The following CAPN8 variants were observed in gnomAD, a reference collection of about 807,000 sequenced individuals.
CAPN8 encodes the protein calpain 8, also known as calpain-8.
Under a neutral mutation model 80.9 loss-of-function variants are expected in CAPN8, and 87 were observed. The ratio of observed to expected loss-of-function variants is 1.07; its 90% confidence interval spans 0.90 to 1.28. CAPN8 has a LOEUF of 1.28. CAPN8 is among the 50% of genes most tolerant of loss of function. The pLI, the probability that CAPN8 is intolerant of heterozygous loss-of-function variation, is 0.00. For missense variants in CAPN8, 757 were observed against 702.0 expected (o/e 1.08, Z -0.89); for synonymous variants, 299 against 273.8 (o/e 1.09, Z -0.91).
chr1:223,652,970 A>G (rs1658381178), intron 2 of CAPN8, among the ~76,000 whole-genome samples: 1 of 151,996 alleles, frequency 6.6e-6, no homozygotes, highest in Admixed American at 6.6e-5. Context: ...ATTCAAAGAA[A>G]AATCCATCCA....
intron 2 of CAPN8, among the ~76,000 whole-genome samples, chr1:223,637,439 G>A (rs1461923921): frequency 6.6e-6 from 1 of 152,118 alleles, no homozygotes; most frequent in Non-Finnish European, 1.5e-5. Flanking sequence ...CTGCTCCCCT[G>A]ATTCCCATCA....
intron 2 of CAPN8, chr1:223,644,228 A>C (rs1192718420): frequency 5.5e-6 from 2 of 366,332 alleles, no homozygotes; most frequent in African/African-American, 4.3e-5. Context: ...AGGTTCATAT[A>C]CTCATCAAAA....
At chr1:223,631,193 A>G (rs1359017346) in intron 2 of CAPN8, among the ~76,000 whole-genome samples, 1 of 152,028 alleles carries the variant, frequency 6.6e-6, no homozygotes, top group African/African-American at 2.4e-5. Context: ...TTCTTGATGA[A>G]TCTTACCCCT....
intron 16 of CAPN8, among the ~76,000 whole-genome samples, chr1:223,547,125 T>A (rs1656644779): frequency 6.6e-6 from 1 of 152,198 alleles, no homozygotes; most frequent in Non-Finnish European, 1.5e-5. Context: ...TGTTCCAGAC[T>A]GGTCTCGAAC....
At chr1:223,557,409 C>T (rs1354086587) in intron 13 of CAPN8, among the ~76,000 whole-genome samples, 1 of 131,762 alleles carries the variant, frequency 7.6e-6, no homozygotes, top group Non-Finnish European at 1.7e-5. Context: ...AGAAGCTGGG[C>T]CTGTGCCCCC....
At chr1:223,658,677 G>A (rs1025162895) in intron 1 of CAPN8, among the ~76,000 whole-genome samples, 7 of 152,106 alleles carry the variant, frequency 4.6e-5, no homozygotes, top group African/African-American at 1.7e-4. Flanking sequence ...ATGGTGGTGT[G>A]CACCTGTAAT....
chr1:223,628,679 C>A lies in CAPN8; in HGVS notation c.409G>T (p.Gly137Ter), dbSNP rs1382423365. The change falls in exon 3 of 21, where the codon GGA (glycine) becomes TGA (stop). Residue 137 changes from glycine to a stop codon, truncating the protein, a stop_gained. Transcript: ENST00000366872. LOFTEE classifies it high-confidence loss of function. The stretch of plus-strand genomic sequence containing the variant: ...CACAGTACCTGAAAGTGAAAGATTC[C>A]CGCATAGTTCTCCTGGAAGTCCTGG... ...RDQDFQENYA[G>*]IFHFQFWQYG... 6.4e-7 allele frequency: 1 copy of A among 1,551,358 alleles called. No homozygotes were observed. Among genetic ancestry groups the A allele is most frequent in the African/African-American group, 1.4e-5 (1 of 73,044 alleles).
At chr1:223,629,049 T>A in intron 2 of CAPN8, 1 of 429,766 alleles carries the variant, frequency 2.3e-6, no homozygotes, top group Non-Finnish European at 4.2e-6. Context: ...TCCTACACAT[T>A]CAGCCAGTGG....
intron 5 of CAPN8, 58 bp from the exon 6 acceptor site, chr1:223,625,946 T>C (rs1572240857): frequency 1.4e-6 from 2 of 1,392,676 alleles, no homozygotes; most frequent in South Asian, 2.5e-5. Flanking sequence ...GGGCCGGCCG[T>C]AGAATGCTTT....
chr1:223,642,786 C>G (rs1430328395), intron 2 of CAPN8: 5 of 456,116 alleles, frequency 1.1e-5, no homozygotes, highest in African/African-American at 8.0e-5. Context: ...CAGAGTTCCT[C>G]CTAGTTGCTT....
intron 18 of CAPN8, among the ~76,000 whole-genome samples, chr1:223,544,505 T>G (rs1656564370): frequency 6.6e-6 from 1 of 152,162 alleles, no homozygotes; most frequent in Non-Finnish European, 1.5e-5. Flanking sequence ...TCTGTCTCCT[T>G]CATAGCCCCT....
chr1:223,665,391 AGCAAGCCC>A lies in CAPN8; in HGVS notation c.237+11_237+18del, dbSNP rs1658758529. Reference sequence around the variant, plus strand: ...CCCTCCACCTTGTATGTCACTCAACAGCAAGCCCGCTTCCTTACCGTGGGCCGCTTCCA... The same window carrying A: ...CCCTCCACCTTGTATGTCACTCAACAGCTTCCTTACCGTGGGCCGCTTCCA... On this transcript the variant is annotated intron_variant, in intron 1 of 20. Transcript: ENST00000366872. The A allele has an allele frequency of 1.3e-6, 2 of 1,545,562 alleles. No homozygotes were observed. The highest frequency in any genetic ancestry group is 1.8e-6 in the Non-Finnish European group (2 of 1,141,760).
At chr1:223,631,846 T>A (rs181282327) in intron 2 of CAPN8, among the ~76,000 whole-genome samples, 1 of 152,280 alleles carries the variant, frequency 6.6e-6, no homozygotes, top group Non-Finnish European at 1.5e-5. Context: ...GAGACTGCTC[T>A]GCAACACCTC....
chr1:223,619,038 T>C (rs1238653868), intron 9 of CAPN8, among the ~76,000 whole-genome samples: 1 of 151,986 alleles, frequency 6.6e-6, no homozygotes, highest in Non-Finnish European at 1.5e-5. Flanking sequence ...AAAACATTTT[T>C]TAAAAATTAG....
intron 9 of CAPN8, among the ~76,000 whole-genome samples, chr1:223,618,758 C>T (rs896052482): frequency 2.6e-5 from 4 of 152,238 alleles, no homozygotes; most frequent in African/African-American, 9.6e-5. Context: ...GGTTTGAACA[C>T]ATGGTTCAGG....
At chr1:223,654,515 A>G in intron 1 of CAPN8, 116 bp from the exon 2 acceptor site, 1 of 846,746 alleles carries the variant, frequency 1.2e-6, no homozygotes, top group Non-Finnish European at 1.9e-6. Flanking sequence ...AGGATTGTCT[A>G]CTGCCCATCA....
chr1:223,632,940 C>T (rs994615389), intron 2 of CAPN8, among the ~76,000 whole-genome samples: 1 of 152,202 alleles, frequency 6.6e-6, no homozygotes, highest in Non-Finnish European at 1.5e-5. Context: ...CTTCCTCCTT[C>T]TTCCCATCTG....
chr1:223,545,624 C>T (rs903276278), intron 16 of CAPN8, among the ~76,000 whole-genome samples: 5 of 152,100 alleles, frequency 3.3e-5, no homozygotes, highest in Non-Finnish European at 5.9e-5. Context: ...TTCGCTTCTA[C>T]ATTTACATTT....
At position 223,618,012 on chromosome 1, in the gene CAPN8, G is replaced by A. The variant is rs886282941; in HGVS notation, c.1135+1281C>T. 7.9e-6 allele frequency: 4 copies of A among 507,304 alleles called. No homozygotes were observed. In the Admixed American group the frequency reaches 9.6e-5, roughly 12 times the overall value. The allele number at this position is 507,304 out of a possible 1,614,324, so 31.4% of individuals were successfully genotyped here. A position where few individuals can be genotyped will look rare whatever the true frequency, so the allele number is the denominator to read the frequency against. Reference sequence around the variant, plus strand: ...CAAGACCCAGCACTGCATCCAGGTGGGGTTTTATTCTAATGCTGCTTCCCT... The same window carrying A: ...CAAGACCCAGCACTGCATCCAGGTGAGGTTTTATTCTAATGCTGCTTCCCT... On this transcript the variant is annotated intron_variant, in intron 9 of 20. Coordinates refer to ENST00000366872, the MANE Select transcript of CAPN8 (RefSeq NM_001143962.2).
Sources: gnomAD v4.1 joint callset for allele counts (sites outside exome capture counted in the v4.1 genomes callset) on GRCh38, gnomAD v4.1.1 for gene constraint, MANE v1.5 for transcripts, NCBI Gene and HGNC (gene_info 2026-07-23, HGNC 2026-07-21) for gene names.